CD2AP: variants seen among roughly 807,000 people sequenced by gnomAD.
CD2AP encodes the protein CD2-associated protein.
A neutral mutation model predicts 85.1 loss-of-function variants in CD2AP; 46 were observed. The ratio of observed to expected loss-of-function variants is 0.54; its 90% CI spans 0.43 to 0.69. The LOEUF (loss-of-function observed/expected upper bound fraction) is 0.69. CD2AP is among the 30% of genes least tolerant of loss of function. CD2AP has a pLI of 0.00. For missense variants in CD2AP, 769 were observed against 729.5 expected (o/e 1.05, Z -0.62); for synonymous variants, 255 against 252.9 (o/e 1.01, Z -0.08).
rs181977741 is a variant in CD2AP, at chr6:47,610,435, A to G, written c.1814+1131A>G. ...TATGGCCAAATAAAAAGTATAAAAGAACAAAAAATAAAAATAAAACATAAA... is the reference window on the plus strand; with the variant it reads ...TATGGCCAAATAAAAAGTATAAAAGGACAAAAAATAAAAATAAAACATAAA... On this transcript the variant is annotated intron_variant, in intron 16 of 17. Coordinates refer to ENST00000359314, the MANE Select transcript of CD2AP (RefSeq NM_012120.3). Among the ~76,000 whole-genome samples the G allele has an allele frequency of 3.2e-4, 48 of 152,292 alleles. No homozygotes were observed. The East Asian group carries it at 8.3e-3, about 26-fold the overall frequency.
At chr6:47,578,318 A>G (rs1768368166) in intron 8 of CD2AP, among the ~76,000 whole-genome samples, 1 of 151,918 alleles carries the variant, frequency 6.6e-6, no homozygotes, top group Non-Finnish European at 1.5e-5. Flanking sequence ...CTCCTGCCTC[A>G]GCCTCCTAAG....
Position 47,596,851 on chromosome 6 carries a change from G to A in CD2AP, c.1274+825G>A, listed in dbSNP as rs183648348. Among the ~76,000 whole-genome samples the A allele has an allele frequency of 5.3e-5, 8 of 152,050 alleles. No individual in the cohort carries two copies. In the East Asian group the frequency reaches 1.6e-3, roughly 30 times the overall value. On this transcript the variant is annotated intron_variant, in intron 12 of 17. Coordinates refer to ENST00000359314, the MANE Select transcript of CD2AP (RefSeq NM_012120.3). Reference sequence around the variant, plus strand: ...GGACCTTTGTACTGTTTTCCATAATGGCTGTGGGAATTTACATTCCTACCA... The same window carrying A: ...GGACCTTTGTACTGTTTTCCATAATAGCTGTGGGAATTTACATTCCTACCA...
Position 47,609,220 on chromosome 6 carries a change from A to T in CD2AP, c.1730A>T (p.Asp577Val), listed in dbSNP as rs780282108. 4 of 1,613,144 alleles carry T rather than the reference A, an allele frequency of 2.5e-6. No individual in the cohort carries two copies. The highest frequency in any genetic ancestry group is 8.5e-7 in the Non-Finnish European group (1 of 1,179,362). Residue 577 changes from aspartate (D) to valine (V), a missense_variant, in exon 16 of 18, where the codon GAT becomes GTT. Physicochemically the swap from Asp to Val is radical, Grantham distance 152 (BLOSUM62 -3). Transcript: ENST00000359314. ...ATCAAAGCTAAAGTGGAAACAGATG[A>T]TGTGAAAAAAAATTCCCTGGATGAA... Reference protein sequence around the residue: ...LEIKAKVETDDVKKNSLDELR... With the variant: ...LEIKAKVETDVVKKNSLDELR...
At chr6:47,562,979 C>G (rs1931825) in intron 5 of CD2AP, 283,884 of 455,002 alleles carry the variant, frequency 0.62, 91,870 homozygotes, top group Middle Eastern at 0.71. Flanking sequence ...AAGAATCTTA[C>G]GCCCAGTATG....
intron 9 of CD2AP, 133 bp from the exon 10 acceptor site, chr6:47,580,731 A>G: frequency 1.5e-6 from 1 of 681,224 alleles, no homozygotes; most frequent in Non-Finnish European, 2.6e-6. Flanking sequence ...CGATCTTAGC[A>G]TTTTATATTT....
intron 1 of CD2AP, among the ~76,000 whole-genome samples, chr6:47,488,747 C>CAGG (rs1427430542): frequency 1.3e-5 from 2 of 150,948 alleles, no homozygotes; most frequent in African/African-American, 4.9e-5. Context: ...AAGAGATAGC[C>CAGG]AGGTGTGGTG....
intron 4 of CD2AP, among the ~76,000 whole-genome samples, chr6:47,549,018 A>C (rs1234172768): frequency 6.6e-6 from 1 of 152,218 alleles, no homozygotes; most frequent in African/African-American, 2.4e-5. Context: ...TTATGATTAA[A>C]ACTCTCAGCA....
intron 1 of CD2AP, among the ~76,000 whole-genome samples, chr6:47,484,759 T>G (rs1290848130): frequency 6.6e-6 from 1 of 152,204 alleles, no homozygotes; most frequent in African/African-American, 2.4e-5. Flanking sequence ...AGTATCTGTT[T>G]TAGTGCCTTA....
At chr6:47,614,726 A>T (rs1013658768) in intron 17 of CD2AP, among the ~76,000 whole-genome samples, 1 of 152,204 alleles carries the variant, frequency 6.6e-6, no homozygotes, top group East Asian at 1.9e-4. Context: ...ATTGTAGACA[A>T]TGCAGTATCT....
intron 12 of CD2AP, 136 bp from the exon 13 acceptor site, chr6:47,599,165 G>A: frequency 1.4e-6 from 1 of 694,236 alleles, no homozygotes; most frequent in Non-Finnish European, 2.5e-6. Context: ...AGAGAGTTTT[G>A]CGTTTATGGA....
intron 13 of CD2AP, among the ~76,000 whole-genome samples, chr6:47,600,270 CTA>C (rs1769094725): frequency 6.6e-6 from 1 of 151,850 alleles, no homozygotes; most frequent in African/African-American, 2.4e-5. Flanking sequence ...AAGGAGAACT[CTA>C]AATTTTCATT....
intron 1 of CD2AP, among the ~76,000 whole-genome samples, chr6:47,489,971 T>TTGTTTTTTTTTTG (rs34345297): frequency 1.1e-5 from 1 of 92,814 alleles, no homozygotes; most frequent in East Asian, 2.6e-4. Context: ...AAGAGACTTT[T>TTGTTTTTTTTTTG]TTTTTTTTTT....
chr6:47,539,062 A>G (rs1767132432), intron 3 of CD2AP, among the ~76,000 whole-genome samples: 1 of 152,216 alleles, frequency 6.6e-6, no homozygotes, highest in African/African-American at 2.4e-5. Flanking sequence ...GCAATTAATT[A>G]AATCTGCCAC....
At chr6:47,544,528 C>A in intron 3 of CD2AP, 78 bp from the exon 4 acceptor site, 1 of 911,106 alleles carries the variant, frequency 1.1e-6, no homozygotes, top group Non-Finnish European at 1.8e-6. Flanking sequence ...AGTCCTGTGA[C>A]TAAACATGGC....
At chr6:47,534,621 C>A (rs577181589) in intron 3 of CD2AP, among the ~76,000 whole-genome samples, 1 of 152,098 alleles carries the variant, frequency 6.6e-6, no homozygotes, top group Non-Finnish European at 1.5e-5. Flanking sequence ...AGGAGAATCA[C>A]TTGAACTCGG....
chr6:47,580,912 G>A lies in CD2AP; in HGVS notation c.1045+12G>A. ...TGCTAAGGCTCCAGGTATGTAAGAA[G>A]CATATTATTCAGTTTGCTATTTTCC... On this transcript the variant is annotated intron_variant, in intron 10 of 17. Transcript: ENST00000359314. 6.3e-7 allele frequency: 1 copy of A among 1,583,052 alleles called. No individual in the cohort carries two copies. The highest frequency in any genetic ancestry group is 8.7e-7 in the Non-Finnish European group (1 of 1,152,106).
intron 2 of CD2AP, among the ~76,000 whole-genome samples, chr6:47,514,647 CAG>C (rs1457556415): frequency 6.6e-6 from 1 of 152,060 alleles, no homozygotes; most frequent in Non-Finnish European, 1.5e-5. Context: ...GGGGAAATAA[CAG>C]TGTAAAACAG....
rs1045312775 is a variant in CD2AP, at chr6:47,497,871, C to CA, written c.5-5408dup. 3.3e-5 allele frequency among the ~76,000 whole-genome samples: 5 copies of CA among 152,338 alleles called. 1 individual carries two copies. The highest frequency in any genetic ancestry group is 6.5e-5 in the Admixed American group (1 of 15,300). On this transcript the variant is annotated intron_variant, in intron 1 of 17. Coordinates refer to ENST00000359314, the MANE Select transcript of CD2AP (RefSeq NM_012120.3). ...TTTGTGCCCCATGCTGCTTTTCTCT[C>CA]AGATACCTCCTAGAACTTTTTGTCT...
At chr6:47,492,116 G>T (rs1050922147) in intron 1 of CD2AP, among the ~76,000 whole-genome samples, 32 of 152,038 alleles carry the variant, frequency 2.1e-4, no homozygotes, top group African/African-American at 6.5e-4. Context: ...TTTAAGTTTA[G>T]AAATTTCTCC....
Sources: gnomAD v4.1 joint callset for allele counts (sites outside exome capture counted in the v4.1 genomes callset) on GRCh38, gnomAD v4.1.1 for gene constraint, MANE v1.5 for transcripts, NCBI Gene and HGNC (gene_info 2026-07-23, HGNC 2026-07-21) for gene names.